The following CIMIP6 variants were observed in gnomAD, a reference collection of about 807,000 sequenced individuals.
CIMIP6 encodes the protein uncharacterized protein C2orf73.
At chr2:54,335,895 C>G in the CIMIP6 span, among the ~76,000 whole-genome samples, 1 of 152,104 alleles carries the variant, frequency 6.6e-6, no homozygotes, top group African/African-American at 2.4e-5. Context: ...TTGAAGCCAG[C>G]AACACAGCAT....
the CIMIP6 span, among the ~76,000 whole-genome samples, chr2:54,356,280 C>T: frequency 0.16 from 23,827 of 152,186 alleles, 2,456 homozygotes; most frequent in Non-Finnish European, 0.22. Context: ...TTCATCAGCT[C>T]GTTATCCTGG....
chr2:54,334,677 G>A, the CIMIP6 span: 4 of 625,954 alleles, frequency 6.4e-6, no homozygotes, highest in African/African-American at 7.4e-5. Context: ...AATTTTAACA[G>A]CACAAACCCT....
chr2:54,366,390 T>G, the CIMIP6 span, among the ~76,000 whole-genome samples: 1 of 152,158 alleles, frequency 6.6e-6, no homozygotes, highest in African/African-American at 2.4e-5. Context: ...GAGAAAGAAA[T>G]AAACTTCTAT....
At chr2:54,333,709 C>T in the CIMIP6 span, among the ~76,000 whole-genome samples, 5 of 151,844 alleles carry the variant, frequency 3.3e-5, no homozygotes, top group East Asian at 3.9e-4. Context: ...GCCAACATGA[C>T]GAAACCCTGT....
the CIMIP6 span, among the ~76,000 whole-genome samples, chr2:54,372,050 G>C: frequency 6.6e-6 from 1 of 152,212 alleles, no homozygotes; most frequent in African/African-American, 2.4e-5. Context: ...ACTATTCTAT[G>C]AACTGTGTAT....
At chr2:54,357,852 T>C in the CIMIP6 span, among the ~76,000 whole-genome samples, 3 of 152,064 alleles carry the variant, frequency 2.0e-5, no homozygotes, top group African/African-American at 4.8e-5. Context: ...CCCAAAGTGC[T>C]GGGATTACAG....
chr2:54,363,146 C>T, the CIMIP6 span, among the ~76,000 whole-genome samples: 136 of 152,254 alleles, frequency 8.9e-4, no homozygotes, highest in African/African-American at 3.1e-3. Flanking sequence ...GTGTGAACCT[C>T]GCACTCTGGG....
At chr2:54,332,250 T>G in the CIMIP6 span, among the ~76,000 whole-genome samples, 1 of 152,138 alleles carries the variant, frequency 6.6e-6, no homozygotes, top group South Asian at 2.1e-4. Flanking sequence ...CAAACCTACC[T>G]CCTACATACA....
At chr2:54,376,776 C>G in the CIMIP6 span, among the ~76,000 whole-genome samples, 1 of 152,226 alleles carries the variant, frequency 6.6e-6, no homozygotes, top group East Asian at 1.9e-4. Flanking sequence ...AGGGCCACCA[C>G]TGCTTGACCA....
At chr2:54,360,285 C>T in the CIMIP6 span, 10 of 1,612,314 alleles carry the variant, frequency 6.2e-6, no homozygotes, top group African/African-American at 1.2e-4. Context: ...TTACTGAACA[C>T]TCCAGGGTCA....
the CIMIP6 span, among the ~76,000 whole-genome samples, chr2:54,363,322 T>G: frequency 6.6e-6 from 1 of 152,188 alleles, no homozygotes. Flanking sequence ...CTCTTTGGTC[T>G]TCCTGGGGGT....
At chr2:54,377,546 G>C in the CIMIP6 span, among the ~76,000 whole-genome samples, 1 of 152,108 alleles carries the variant, frequency 6.6e-6, no homozygotes, top group Admixed American at 6.6e-5. Context: ...ATTGGCTCTT[G>C]CAAGCCAATA....
chr2:54,370,072 T>C, the CIMIP6 span, among the ~76,000 whole-genome samples: 1 of 152,096 alleles, frequency 6.6e-6, no homozygotes, highest in African/African-American at 2.4e-5. Context: ...CTGACCAACA[T>C]GGTGAAACCC....
chr2:54,352,463 T>A, the CIMIP6 span, among the ~76,000 whole-genome samples: 16 of 152,232 alleles, frequency 1.1e-4, no homozygotes, highest in Admixed American at 8.5e-4. Flanking sequence ...TTTGTATCTA[T>A]ACAAAACATC....
the CIMIP6 span, among the ~76,000 whole-genome samples, chr2:54,373,720 C>T: frequency 6.6e-6 from 1 of 152,170 alleles, no homozygotes; most frequent in Non-Finnish European, 1.5e-5. Flanking sequence ...GCATCAGTGA[C>T]CTCCACCTAT....
At chr2:54,381,756 T>C in the CIMIP6 span, 3 of 1,439,410 alleles carry the variant, frequency 2.1e-6, no homozygotes, top group Non-Finnish European at 2.7e-6. Context: ...CATGGGCACA[T>C]TTCAGAACTC....
the CIMIP6 span, among the ~76,000 whole-genome samples, chr2:54,347,570 G>A: frequency 1.3e-5 from 2 of 152,340 alleles, no homozygotes; most frequent in African/African-American, 2.4e-5. Context: ...GGATGTAGAA[G>A]AGTGGTGAAA....
At chr2:54,358,915 C>T in the CIMIP6 span, 7 of 966,578 alleles carry the variant, frequency 7.2e-6, no homozygotes, top group African/African-American at 1.2e-4. Flanking sequence ...TGTCCATAAA[C>T]AAATCTAATT....
At chr2:54,361,598 A>T in the CIMIP6 span, 1 of 152,140 alleles carries the variant, frequency 6.6e-6, no homozygotes, top group Non-Finnish European at 1.5e-5. Flanking sequence ...ATGTCATTAT[A>T]TTTTTTTGTG....
Sources: allele counts gnomAD v4.1 joint callset (sites outside exome capture counted in the v4.1 genomes callset), GRCh38; gene constraint gnomAD v4.1.1; transcripts MANE v1.5; gene names NCBI Gene and HGNC (gene_info 2026-07-23, HGNC 2026-07-21).